Variants in SYNGR4 observed in about 807,000 individuals in gnomAD.
SYNGR4 encodes synaptogyrin-4.
In SYNGR4, 15 loss-of-function variants were observed where a neutral mutation model predicts 15.5. The observed-to-expected ratio is 0.97, with a 90% CI of 0.65 to 1.49. The LOEUF (loss-of-function observed/expected upper bound fraction) is 1.49, where lower values mean the gene tolerates loss of function less well. Ranked by LOEUF, SYNGR4 falls within the 40% of genes most tolerant of loss-of-function variation. The pLI is 0.00. For missense variants in SYNGR4, 292 were observed against 299.3 expected (o/e 0.98, Z 0.18); for synonymous variants, 121 against 127.4 (o/e 0.95, Z 0.34).
At chr19:48,365,404 C>A (rs1970189181) in intron 1 of SYNGR4, among the ~76,000 whole-genome samples, 1 of 70,772 alleles carries the variant, frequency 1.4e-5, no homozygotes, top group South Asian at 6.9e-4. Context: ...CCCCTAGTAG[C>A]CCCCTCACCA....
In SYNGR4 at chr19:48,376,292, C is replaced by G. The variant is rs764373709; in HGVS notation, c.679C>G (p.Arg227Gly). The G allele has an allele frequency of 6.2e-7, 1 of 1,613,118 alleles. No individual in the cohort carries two copies. Among genetic ancestry groups the G allele is most frequent in the South Asian group, 1.1e-5 (1 of 90,996 alleles). Reference sequence around the variant, plus strand: ...CTGTCTGACCGCTCCAAAGTCCCCCCGGCTTGCTATGATGCCTGACAACTA... The same window carrying G: ...CTGTCTGACCGCTCCAAAGTCCCCCGGGCTTGCTATGATGCCTGACAACTA... ...SPCLTAPKSP[R>G]LAMMPDN Residue 227 changes from arginine (R) to glycine (G), a missense_variant, in exon 5 of 5, where the codon CGG becomes GGG. Coordinates refer to ENST00000344846, the MANE Select transcript of SYNGR4 (RefSeq NM_012451.4).
chr19:48,374,366 A>G (rs1600948192), intron 3 of SYNGR4, among the ~76,000 whole-genome samples: 2 of 152,170 alleles, frequency 1.3e-5, no homozygotes, highest in African/African-American at 4.8e-5. Context: ...GGCGTGAGCC[A>G]CCACGCCCAG....
intron 3 of SYNGR4, 78 bp downstream of exon 3, chr19:48,373,832 G>A: frequency 2.1e-6 from 3 of 1,455,138 alleles, no homozygotes; most frequent in Non-Finnish European, 2.9e-6. Flanking sequence ...GGCCTCCCGG[G>A]CACAACCCTT....
intron 1 of SYNGR4, 101 bp from the exon 2 acceptor site, chr19:48,365,635 A>ACCCCCCCATC: frequency 4.5e-6 from 1 of 224,172 alleles, no homozygotes; most frequent in Non-Finnish European, 8.2e-6. Context: ...CATTCCGGGG[A>ACCCCCCCATC]CCCCCCCCAT....
At chr19:48,370,664 A>C (rs1366942404) in intron 2 of SYNGR4, among the ~76,000 whole-genome samples, 1 of 151,954 alleles carries the variant, frequency 6.6e-6, no homozygotes, top group Non-Finnish European at 1.5e-5. Flanking sequence ...GGTTCAAATG[A>C]TCCTTCCGCC....
intron 4 of SYNGR4, 165 bp downstream of exon 4, chr19:48,375,917 C>A: frequency 6.6e-7 from 1 of 1,511,584 alleles, no homozygotes; most frequent in Non-Finnish European, 8.8e-7. Context: ...TTCCTCTGAG[C>A]AGCCACAGCC....
chr19:48,367,808 T>A (rs1202518160), intron 2 of SYNGR4, among the ~76,000 whole-genome samples: 1 of 152,176 alleles, frequency 6.6e-6, no homozygotes, highest in Non-Finnish European at 1.5e-5. Flanking sequence ...TCACTGTTCA[T>A]CTCTGGATCT....
intron 2 of SYNGR4, among the ~76,000 whole-genome samples, chr19:48,369,814 C>G (rs1970277941): frequency 6.6e-6 from 1 of 152,216 alleles, no homozygotes; most frequent in Non-Finnish European, 1.5e-5. Context: ...CTCGACCTGA[C>G]TCTGCCTCAG....
chr19:48,375,486 A>G, intron 3 of SYNGR4, 127 bp from the exon 4 acceptor site: 1 of 1,247,996 alleles, frequency 8.0e-7, no homozygotes, highest in South Asian at 1.5e-5. Context: ...GCTAATAAAA[A>G]AAGTATTTTT....
intron 2 of SYNGR4, 74 bp downstream of exon 2, chr19:48,366,009 C>A (rs1020269505): frequency 2.0e-6 from 3 of 1,477,186 alleles, no homozygotes; most frequent in African/African-American, 1.4e-5. Flanking sequence ...AGACACAGTG[C>A]GGGAGATGGG....
intron 2 of SYNGR4, among the ~76,000 whole-genome samples, chr19:48,367,204 G>A (rs1035304237): frequency 1.8e-4 from 27 of 151,768 alleles, no homozygotes; most frequent in Non-Finnish European, 3.2e-4. Context: ...AGGCCGAGGC[G>A]GGCGGATCGT....
At chr19:48,373,795 C>A in intron 3 of SYNGR4, 41 bp downstream of exon 3, 1 of 1,594,916 alleles carries the variant, frequency 6.3e-7, no homozygotes, top group Non-Finnish European at 8.6e-7. Flanking sequence ...GCCCCTCCTC[C>A]CGCTCACAGC....
At chr19:48,373,822 G>A (rs917906298) in intron 3 of SYNGR4, 68 bp downstream of exon 3, 1 of 1,514,650 alleles carries the variant, frequency 6.6e-7, no homozygotes, top group Non-Finnish European at 9.1e-7. Flanking sequence ...GGCTCCCCAG[G>A]GCCTCCCGGG....
intron 2 of SYNGR4, among the ~76,000 whole-genome samples, chr19:48,368,131 C>T (rs142464292): frequency 1.7e-4 from 26 of 152,298 alleles, no homozygotes; most frequent in Non-Finnish European, 3.4e-4. Flanking sequence ...GCCTGATGTC[C>T]TTACCAGCAG....
rs779985297 is a variant in SYNGR4, at chr19:48,365,800, C to G, written c.-43C>G. 5 of 1,608,916 alleles carry G rather than the reference C, an allele frequency of 3.1e-6. No individual in the cohort carries two copies. The Admixed American group carries it at 8.3e-5, about 27-fold the overall frequency. ...GTGCCCAGCAGGCAGCGCCCAGCAC[C>G]CTGGCTCCCACCTCCCAGTGGCCCC... On this transcript the variant is annotated 5_prime_UTR_variant, in exon 2 of 5. Transcript: ENST00000344846.
rs373459726 is a variant in SYNGR4 at position 48,373,514 on chromosome 19, C to T, written c.94-3C>T. ...CTCTTCTCTGGCCCCTGGAAATCCA[C>T]AGGTCTTCTCCCTGATCGTCTTCTC... On this transcript the variant is annotated splice_region_variant and splice_polypyrimidine_tract_variant and intron_variant, in intron 2 of 4. Transcript: ENST00000344846. 3.1e-6 allele frequency: 5 copies of T among 1,612,380 alleles called. No individual in the cohort carries two copies. The highest frequency in any genetic ancestry group is 1.1e-5 in the South Asian group (1 of 91,078).
chr19:48,370,729 A>G (rs275842), intron 2 of SYNGR4, among the ~76,000 whole-genome samples: 95,677 of 151,832 alleles, frequency 0.63, 30,976 homozygotes, highest in East Asian at 0.8. Flanking sequence ...CAGACCAAAG[A>G]GAAGATTTTC....
At chr19:48,366,231 A>G (rs1970219648) in intron 2 of SYNGR4, among the ~76,000 whole-genome samples, 1 of 151,886 alleles carries the variant, frequency 6.6e-6, no homozygotes, top group Non-Finnish European at 1.5e-5. Context: ...TTTCTTTGAA[A>G]CAATCTTAAT....
chr19:48,373,099 A>C, intron 2 of SYNGR4: 1 of 186,816 alleles, frequency 5.4e-6, no homozygotes, highest in Non-Finnish European at 1.1e-5. Flanking sequence ...GGAGAGATGA[A>C]ATTGGAAGAG....
Sources: allele counts gnomAD v4.1 joint callset (sites outside exome capture counted in the v4.1 genomes callset), GRCh38; gene constraint gnomAD v4.1.1; transcripts MANE v1.5; gene names NCBI Gene and HGNC (gene_info 2026-07-23, HGNC 2026-07-21).